The following CAMK2B variants were observed in gnomAD, a reference collection of about 807,000 sequenced individuals.
CAMK2B encodes the protein calcium/calmodulin-dependent protein kinase type II subunit beta.
In CAMK2B, 27 loss-of-function variants were observed where a neutral mutation model predicts 93.7. That is an observed-to-expected ratio of 0.29 (90% CI 0.21 to 0.40). The LOEUF is 0.40. Ranked by LOEUF, CAMK2B falls within the 10% of genes least tolerant of loss-of-function variation. The pLI is 1.00. For missense variants in CAMK2B, 568 were observed against 895.8 expected (o/e 0.63, Z 4.67); for synonymous variants, 374 against 358.8 (o/e 1.04, Z -0.48).
At chr7:44,259,056 G>A in intron 3 of CAMK2B, 130 bp from the exon 4 acceptor site, 1 of 803,686 alleles carries the variant, frequency 1.2e-6, no homozygotes, top group South Asian at 1.5e-5. Context: ...GGGCTGGGTA[G>A]GGCCCGGGTG....
chr7:44,267,343 G>A (rs532177529), intron 2 of CAMK2B, among the ~76,000 whole-genome samples: 1 of 152,318 alleles, frequency 6.6e-6, no homozygotes, highest in Non-Finnish European at 1.5e-5. Context: ...CCCTGATTCT[G>A]CCTGTGGAGA....
chr7:44,289,176 A>G (rs1056832203), intron 1 of CAMK2B, among the ~76,000 whole-genome samples: 1 of 151,914 alleles, frequency 6.6e-6, no homozygotes, highest in African/African-American at 2.4e-5. Flanking sequence ...GTTGCTGACT[A>G]TCCGTGGCTC....
intron 20 of CAMK2B, among the ~76,000 whole-genome samples, chr7:44,221,937 A>G (rs2096412948): frequency 6.6e-6 from 1 of 152,248 alleles, no homozygotes; most frequent in African/African-American, 2.4e-5. Flanking sequence ...TTAAAGAAAT[A>G]AAGCACCGCA....
chr7:44,281,538 C>T (rs1054585565), intron 2 of CAMK2B, among the ~76,000 whole-genome samples: 23 of 152,154 alleles, frequency 1.5e-4, no homozygotes, highest in Non-Finnish European at 4.4e-5. Flanking sequence ...TGGCAGCCCA[C>T]TCAGGGTCTG....
At chr7:44,324,096 G>C (rs934393301) in intron 1 of CAMK2B, 5 of 152,556 alleles carry the variant, frequency 3.3e-5, no homozygotes, top group African/African-American at 1.2e-4. Flanking sequence ...CTCTCCACAC[G>C]TGCAGGGAGA....
chr7:44,304,483 G>T (rs2129186795), intron 1 of CAMK2B, among the ~76,000 whole-genome samples: 1 of 152,280 alleles, frequency 6.6e-6, no homozygotes, highest in South Asian at 2.1e-4. Flanking sequence ...AGTGGCCACT[G>T]CTGAATAAAA....
rs2096592373 is a variant in CAMK2B at position 44,232,870 on chromosome 7, C to A, written c.1132-4G>T. 2.5e-6 allele frequency: 4 copies of A among 1,613,544 alleles called. No individual in the cohort carries two copies. Among genetic ancestry groups the A allele is most frequent in the Non-Finnish European group, 3.4e-6 (4 of 1,179,614 alleles). ...GGATGACGGTGGTTTGAGGCTCCTA[C>A]AGAAGAAGGAAGACACAGAGGAAGG... On this transcript the variant is annotated splice_region_variant and splice_polypyrimidine_tract_variant and intron_variant, in intron 15 of 23. Coordinates refer to ENST00000395749, the MANE Select transcript of CAMK2B (RefSeq NM_001220.5).
intron 6 of CAMK2B, among the ~76,000 whole-genome samples, chr7:44,246,444 CACACACACACATGCAT>C (rs929064635): frequency 2.6e-5 from 4 of 151,816 alleles, no homozygotes; most frequent in African/African-American, 9.7e-5. Context: ...CCCACACAGA[CACACACACACATGCAT>C]ACACGCACAC....
chr7:44,231,865 G>A (rs1400530224), intron 16 of CAMK2B, among the ~76,000 whole-genome samples: 1 of 152,222 alleles, frequency 6.6e-6, no homozygotes, highest in Non-Finnish European at 1.5e-5. Context: ...ATCTTACAAG[G>A]TCCCTGGGGG....
chr7:44,260,344 T>C (rs1460620237), intron 3 of CAMK2B, among the ~76,000 whole-genome samples: 1 of 152,140 alleles, frequency 6.6e-6, no homozygotes, highest in Non-Finnish European at 1.5e-5. Flanking sequence ...TTCTGGGGCC[T>C]AGGCCTCACC....
intron 2 of CAMK2B, among the ~76,000 whole-genome samples, chr7:44,272,596 G>A (rs2096985105): frequency 6.6e-6 from 1 of 152,230 alleles, no homozygotes; most frequent in South Asian, 2.1e-4. Flanking sequence ...AGGGCTCCCA[G>A]GGACCCTGGC....
chr7:44,270,060 G>C (rs539092343), intron 2 of CAMK2B, among the ~76,000 whole-genome samples: 8 of 151,712 alleles, frequency 5.3e-5, no homozygotes, highest in African/African-American at 1.9e-4. Flanking sequence ...CACAGGGTGG[G>C]TGCTCAAGAA....
In CAMK2B at chr7:44,225,747, TC is replaced by T; in HGVS notation, c.1597+768del. ...GACGGTGGCAAGCAGACCCCACCTG[TC>T]CCTCAAGTACTTACCTAGCCACTGC... On this transcript the variant is annotated intron_variant, in intron 20 of 23. Coordinates refer to ENST00000395749, the MANE Select transcript of CAMK2B (RefSeq NM_001220.5). This position sits in a 1 kb window ranked among gnomAD's most constrained non-coding sequence, Gnocchi z 5.0. The T allele has an allele frequency of 7.8e-7, 1 of 1,289,250 alleles. No individual in the cohort carries two copies. Among genetic ancestry groups the T allele is most frequent in the Admixed American group, 2.3e-5 (1 of 43,554 alleles). 79.9% of individuals were successfully genotyped at this position (1,289,250 alleles called of 1,614,324 possible).
At chr7:44,241,074 C>T (rs1171943363) in intron 11 of CAMK2B, among the ~76,000 whole-genome samples, 1 of 152,218 alleles carries the variant, frequency 6.6e-6, no homozygotes, top group Non-Finnish European at 1.5e-5. Flanking sequence ...AGCTCCCTGA[C>T]AGCCCCTTCT....
intron 5 of CAMK2B, among the ~76,000 whole-genome samples, chr7:44,249,009 C>G (rs1167520585): frequency 6.6e-6 from 1 of 152,166 alleles, no homozygotes; most frequent in Admixed American, 6.5e-5. Context: ...TTTGTTGAAA[C>G]ATCCTCCCTT....
intron 5 of CAMK2B, among the ~76,000 whole-genome samples, chr7:44,252,029 C>T (rs1312169289): frequency 6.6e-6 from 1 of 152,150 alleles, no homozygotes; most frequent in African/African-American, 2.4e-5. Context: ...CCAGGGCCCG[C>T]CACGGGGAGG....
At chr7:44,282,617 C>T (rs1195577957) in intron 2 of CAMK2B, among the ~76,000 whole-genome samples, 2 of 152,352 alleles carry the variant, frequency 1.3e-5, no homozygotes, top group East Asian at 3.9e-4. Context: ...CCACTGCAGC[C>T]TAAAGGACCT....
chr7:44,232,797 C>T (rs555254248), intron 16 of CAMK2B, 25 bp downstream of exon 16: 54 of 1,611,778 alleles, frequency 3.4e-5, no homozygotes, highest in East Asian at 8.9e-5. Context: ...CTGGGGAAAG[C>T]GGGAGGAGGA....
chr7:44,234,200 C>A (rs1412985525), intron 15 of CAMK2B, among the ~76,000 whole-genome samples, 190 bp downstream of exon 15: 1 of 152,214 alleles, frequency 6.6e-6, no homozygotes, highest in African/African-American at 2.4e-5. Flanking sequence ...GAATTGGAGC[C>A]CCCCACAACA....
Sources: gnomAD v4.1 joint callset for allele counts (sites outside exome capture counted in the v4.1 genomes callset) on GRCh38, gnomAD v4.1.1 for gene constraint, Gnocchi (gnomAD v3.1) non-coding constraint, MANE v1.5 for transcripts, NCBI Gene and HGNC (gene_info 2026-07-23, HGNC 2026-07-21) for gene names.